The following CNTNAP2 variants were observed in gnomAD, a reference collection of about 807,000 sequenced individuals.
CNTNAP2 encodes contactin-associated protein-like 2.
Under a neutral mutation model 155.2 loss-of-function variants are expected in CNTNAP2, and 98 were observed. The observed-to-expected ratio is 0.63, with a 90% CI of 0.54 to 0.75. CNTNAP2 has a LOEUF of 0.75. Among genes scored for constraint, CNTNAP2 ranks in the 30% least tolerant of loss-of-function variants. The pLI is 0.00. For synonymous variants in CNTNAP2, 651 were observed against 631.2 expected, an observed-to-expected ratio of 1.03 and a Z score of -0.47; for missense variants, 1,727 against 1,688.1, an observed-to-expected ratio of 1.02 and a Z score of -0.40.
intron 15 of CNTNAP2, among the ~76,000 whole-genome samples, chr7:147,978,931 T>A (rs1183977255): frequency 6.6e-5 from 10 of 152,156 alleles, no homozygotes; most frequent in African/African-American, 2.4e-5. Context: ...CTGGGGAGGC[T>A]GTGAATATTT....
intron 10 of CNTNAP2, among the ~76,000 whole-genome samples, chr7:147,466,611 A>G (rs1584750109): frequency 1.3e-5 from 2 of 152,180 alleles, no homozygotes; most frequent in East Asian, 3.9e-4. Context: ...CTGATCCCCA[A>G]CATCTGAGCA....
At chr7:146,770,530 T>G (rs936277931) in intron 1 of CNTNAP2, among the ~76,000 whole-genome samples, 2 of 152,012 alleles carry the variant, frequency 1.3e-5, no homozygotes, top group Middle Eastern at 3.2e-3. Flanking sequence ...TGCTTTACAT[T>G]CTGATAATAA....
chr7:146,491,093 C>T (rs182731813), intron 1 of CNTNAP2, among the ~76,000 whole-genome samples: 121 of 151,688 alleles, frequency 8.0e-4, no homozygotes, highest in African/African-American at 2.9e-3. Flanking sequence ...CAAAGCCCCC[C>T]CAAAAAAAAC....
At chr7:147,123,588 G>A (rs1801164328) in intron 6 of CNTNAP2, among the ~76,000 whole-genome samples, 1 of 152,238 alleles carries the variant, frequency 6.6e-6, no homozygotes, top group Admixed American at 6.5e-5. Context: ...CAAAGAATCA[G>A]GGTAGACTTA....
At chr7:147,097,544 C>T (rs1800565493) in intron 4 of CNTNAP2, 1 of 152,194 alleles carries the variant, frequency 6.6e-6, no homozygotes, top group South Asian at 2.1e-4. Flanking sequence ...TTCCCTTTAT[C>T]AAACCATCAG....
At chr7:147,258,809 T>G (rs1206761729) in intron 8 of CNTNAP2, among the ~76,000 whole-genome samples, 2 of 152,186 alleles carry the variant, frequency 1.3e-5, no homozygotes, top group African/African-American at 2.4e-5. Context: ...GACTAACCCA[T>G]GCTGTCTTCA....
At chr7:147,466,817 C>A (rs1349876020) in intron 10 of CNTNAP2, among the ~76,000 whole-genome samples, 3 of 152,100 alleles carry the variant, frequency 2.0e-5, no homozygotes, top group Non-Finnish European at 4.4e-5. Flanking sequence ...ACTGGGGAGG[C>A]TGAGGCAGGA....
At chr7:146,260,209 A>C (rs1037121658) in intron 1 of CNTNAP2, among the ~76,000 whole-genome samples, 35 of 152,218 alleles carry the variant, frequency 2.3e-4, no homozygotes, top group African/African-American at 8.0e-4. Flanking sequence ...GACATAAGGA[A>C]ACATCTGGAT....
In CNTNAP2 at chr7:148,356,635, T is replaced by G. The variant is rs114258247; in HGVS notation, c.3476-27014T>G. ...ATTACATTAATTCTCCTGATGTATT[T>G]TCCTGACATTTGTCAGCATTTCCTT... On this transcript the variant is annotated intron_variant, in intron 21 of 23. Transcript: ENST00000361727. Among the ~76,000 whole-genome samples the G allele has an allele frequency of 6.0e-3, 907 of 152,310 alleles. 10 individuals carry two copies. The highest frequency in any genetic ancestry group is 0.021 in the African/African-American group (861 of 41,570).
chr7:148,385,747 T>G (rs796122631), intron 22 of CNTNAP2, among the ~76,000 whole-genome samples: 2 of 103,668 alleles, frequency 1.9e-5, no homozygotes, highest in African/African-American at 3.7e-5. Flanking sequence ...TTTTTTTTTT[T>G]TTTTTTTTTT....
chr7:146,483,569 A>T (rs987549712), intron 1 of CNTNAP2, among the ~76,000 whole-genome samples: 2 of 150,024 alleles, frequency 1.3e-5, no homozygotes, highest in Non-Finnish European at 3.0e-5. Flanking sequence ...GAAAATTATG[A>T]TCTCAGTATG....
At chr7:146,221,578 A>G (rs1260389548) in intron 1 of CNTNAP2, among the ~76,000 whole-genome samples, 1 of 152,140 alleles carries the variant, frequency 6.6e-6, no homozygotes, top group East Asian at 1.9e-4. Flanking sequence ...TATTTTCCCA[A>G]TATTTATAAT....
chr7:148,367,873 T>C (rs961113317), intron 21 of CNTNAP2, among the ~76,000 whole-genome samples: 1 of 151,838 alleles, frequency 6.6e-6, no homozygotes, highest in African/African-American at 2.4e-5. Flanking sequence ...CCTCCTGAAG[T>C]GTAGATGGAA....
intron 9 of CNTNAP2, among the ~76,000 whole-genome samples, chr7:147,337,092 A>T (rs868171805): frequency 1.3e-5 from 2 of 152,194 alleles, no homozygotes; most frequent in African/African-American, 4.8e-5. Context: ...TACCAATATC[A>T]TGCACCCACA....
intron 12 of CNTNAP2, among the ~76,000 whole-genome samples, chr7:147,564,077 A>T (rs12537794): frequency 0.45 from 67,800 of 151,744 alleles, 15,330 homozygotes; most frequent in East Asian, 0.61. Context: ...GCTCATGTGG[A>T]AGGATTCCTT....
intron 1 of CNTNAP2, among the ~76,000 whole-genome samples, chr7:146,329,214 C>A (rs1265570367): frequency 1.3e-5 from 2 of 152,166 alleles, no homozygotes; most frequent in Admixed American, 6.5e-5. Flanking sequence ...ATCACATTGT[C>A]ATTTGGATTT....
intron 1 of CNTNAP2, among the ~76,000 whole-genome samples, chr7:146,217,828 C>T (rs1799137872): frequency 1.3e-5 from 2 of 152,020 alleles, no homozygotes; most frequent in East Asian, 1.9e-4. Context: ...AGAGTATATG[C>T]ATTTGTCAAA....
intron 22 of CNTNAP2, among the ~76,000 whole-genome samples, chr7:148,405,970 C>T (rs1044496308): frequency 2.0e-5 from 3 of 152,190 alleles, no homozygotes; most frequent in South Asian, 2.1e-4. Flanking sequence ...CGGTGGCTCA[C>T]GCCTGTAATC....
intron 3 of CNTNAP2, among the ~76,000 whole-genome samples, chr7:146,924,666 A>T (rs1017298153): frequency 3.3e-5 from 5 of 152,098 alleles, no homozygotes; most frequent in Non-Finnish European, 7.4e-5. Flanking sequence ...TTCTCAGGAG[A>T]GTAGGAAGTC....
Sources: gnomAD v4.1 joint callset for allele counts (sites outside exome capture counted in the v4.1 genomes callset) on GRCh38, gnomAD v4.1.1 for gene constraint, MANE v1.5 for transcripts, NCBI Gene and HGNC (gene_info 2026-07-23, HGNC 2026-07-21) for gene names.